Variants in RAD18 observed in about 807,000 individuals in gnomAD.
RAD18 encodes RAD18 E3 ubiquitin protein ligase.
A neutral mutation model predicts 60.4 loss-of-function variants in RAD18; 47 were observed. The observed-to-expected ratio is 0.78, with a 90% CI of 0.62 to 0.99. RAD18 has a LOEUF of 0.99. Ranked by LOEUF, RAD18 falls within the 50% of genes least tolerant of loss-of-function variation. The pLI, the probability that RAD18 is intolerant of heterozygous loss-of-function variation, is 0.00. For synonymous variants in RAD18, 225 were observed against 195.5 expected (o/e 1.15, Z -1.26); for missense variants, 640 against 593.3 (o/e 1.08, Z -0.82).
At chr3:8,910,428 G>A (rs574432620) in intron 9 of RAD18, among the ~76,000 whole-genome samples, 29 of 152,118 alleles carry the variant, frequency 1.9e-4, no homozygotes, top group African/African-American at 4.6e-4. Context: ...GTGAAACCCC[G>A]TCTCTACTAA....
At chr3:8,903,738 A>C (rs1400477129) in intron 9 of RAD18, among the ~76,000 whole-genome samples, 1 of 152,240 alleles carries the variant, frequency 6.6e-6, no homozygotes, top group Non-Finnish European at 1.5e-5. Flanking sequence ...CTTAGGCCAC[A>C]GTCCAAAGTA....
chr3:8,913,240 T>A (rs1190303690), intron 8 of RAD18, among the ~76,000 whole-genome samples: 1 of 152,200 alleles, frequency 6.6e-6, no homozygotes, highest in East Asian at 1.9e-4. Context: ...TATCCTCTTA[T>A]AATTACTTAA....
chr3:8,944,002 C>G lies in RAD18; in HGVS notation c.267-2198G>C, dbSNP rs45605134. On this transcript the variant is annotated intron_variant, in intron 4 of 12. Transcript: ENST00000264926. ...AGAAGAGATAACAAGAGAAAACAAG[C>G]AAAGCCAAACATTGGTTCTTTGAAA... is the stretch of plus-strand genomic sequence containing the variant. Among the ~76,000 whole-genome samples, 1,250 of 152,124 alleles carry G rather than the reference C, an allele frequency of 8.2e-3. 19 individuals carry two copies. The highest frequency in any genetic ancestry group is 0.028 in the African/African-American group (1,173 of 41,530).
intron 7 of RAD18, among the ~76,000 whole-genome samples, chr3:8,927,673 A>G (rs1434798678): frequency 6.6e-6 from 1 of 152,228 alleles, no homozygotes; most frequent in African/African-American, 2.4e-5. Context: ...ATGTCCAACA[A>G]TGATAGACTG....
chr3:8,884,700 T>C (rs1343124472), intron 12 of RAD18, among the ~76,000 whole-genome samples: 1 of 152,230 alleles, frequency 6.6e-6, no homozygotes, highest in Non-Finnish European at 1.5e-5. Flanking sequence ...ATTGAGGTAG[T>C]GCAAGAAGTC....
At chr3:8,891,537 G>C (rs1939692681) in intron 11 of RAD18, among the ~76,000 whole-genome samples, 1 of 152,164 alleles carries the variant, frequency 6.6e-6, no homozygotes, top group Non-Finnish European at 1.5e-5. Context: ...TGCTACCTCA[G>C]TGAAAACAGA....
At chr3:8,953,386 C>T (rs1011425339) in intron 2 of RAD18, among the ~76,000 whole-genome samples, 1 of 151,818 alleles carries the variant, frequency 6.6e-6, no homozygotes, top group African/African-American at 2.4e-5. Flanking sequence ...CTCTTCTTTT[C>T]TTTTGAAATG....
rs2125042528 is a variant in RAD18, at chr3:8,877,582, A to T, written c.*3775T>A. 6.6e-6 allele frequency: 1 copy of T among 152,332 alleles called. No homozygotes were observed. Among genetic ancestry groups the T allele is most frequent in the Middle Eastern group, 3.4e-3 (1 of 294 alleles). The allele number at this position is 152,332 out of a possible 1,614,324, so 9.4% of individuals were successfully genotyped here. On this transcript the variant is annotated 3_prime_UTR_variant, in exon 13 of 13. Coordinates refer to ENST00000264926, the MANE Select transcript of RAD18 (RefSeq NM_020165.4). The stretch of plus-strand genomic sequence containing the variant: ...CAAGCTTTCTATGGCAAGAGTTTAT[A>T]GGCAAAAACAAAATCCGTCCATTGC...
chr3:8,920,844 G>A (rs565665258), intron 7 of RAD18, among the ~76,000 whole-genome samples: 83 of 152,206 alleles, frequency 5.5e-4, no homozygotes, highest in African/African-American at 1.8e-3. Flanking sequence ...ATATTACCAC[G>A]AAATGCAATA....
chr3:8,956,439 A>C (rs1230371141), intron 2 of RAD18, among the ~76,000 whole-genome samples: 1 of 152,220 alleles, frequency 6.6e-6, no homozygotes, highest in East Asian at 1.9e-4. Flanking sequence ...AGGACGGCAC[A>C]AGATTTCATC....
chr3:8,902,588 T>C, intron 9 of RAD18, 68 bp from the exon 10 acceptor site: 1 of 1,455,698 alleles, frequency 6.9e-7, no homozygotes, highest in Non-Finnish European at 9.3e-7. Context: ...ACTGACAAAC[T>C]GAATATCAAG....
At chr3:8,935,081 A>G (rs890142400) in intron 7 of RAD18, among the ~76,000 whole-genome samples, 1 of 152,230 alleles carries the variant, frequency 6.6e-6, no homozygotes. Context: ...GGGGGCAGAT[A>G]GGGCTTTTGG....
chr3:8,943,622 C>T lies in RAD18; in HGVS notation c.267-1818G>A, dbSNP rs150274735. 6.1e-3 allele frequency among the ~76,000 whole-genome samples: 927 copies of T among 151,862 alleles called. 10 individuals carry two copies. Among genetic ancestry groups the T allele is most frequent in the African/African-American group, 0.021 (868 of 41,460 alleles). ...GGGAAATCAGCAATACTAGAAAAAC[C>T]AATGGCTGAGAATTTTCAAATCTGA... On this transcript the variant is annotated intron_variant, in intron 4 of 12. Transcript: ENST00000264926.
At chr3:8,951,532 C>T (rs1489462407) in intron 2 of RAD18, among the ~76,000 whole-genome samples, 1 of 152,152 alleles carries the variant, frequency 6.6e-6, no homozygotes, top group Non-Finnish European at 1.5e-5. Flanking sequence ...TCAGAAACTC[C>T]AATCTACGTA....
chr3:8,963,374 C>T lies in RAD18; in HGVS notation c.12G>A (p.Leu4=). 6.2e-7 allele frequency: 1 copy of T among 1,610,330 alleles called. No individual in the cohort carries two copies. Among genetic ancestry groups the T allele is most frequent in the Non-Finnish European group, 8.5e-7 (1 of 1,178,376 alleles). ...GGCCCGGAGGCCACCGAGACTCGGC[C>T]AGGGAGTCCATGGTCGCTCCCGAGG... The part of the protein sequence containing the change: MDS[L]AESRWPPGLA... Residue 4 remains leucine (L), a synonymous_variant, in exon 1 of 13, where the codon CTG becomes CTA. Coordinates refer to ENST00000264926, the MANE Select transcript of RAD18 (RefSeq NM_020165.4).
intron 9 of RAD18, among the ~76,000 whole-genome samples, chr3:8,909,657 C>A (rs937405660): frequency 6.6e-6 from 1 of 152,110 alleles, no homozygotes. Context: ...TAAAGTTCTA[C>A]AAACAGCCAA....
Position 8,913,644 on chromosome 3 carries a change from A to T in RAD18, c.966T>A (p.Ser322Arg). ...MRLEASKLNESVMVFTKDQTE... is the reference protein window; with the variant it reads ...MRLEASKLNERVMVFTKDQTE... ...ATACTGAAATAGCCCATTAACATAC[A>T]CTTTCATTGAGTTTACTAGCTTCAA... is the stretch of plus-strand genomic sequence containing the variant. The change falls in exon 8 of 13, where the codon AGT (serine) becomes AGA (arginine). Residue 322 changes from serine to arginine, a missense_variant and splice_region_variant. Ser to Arg is a moderately radical substitution (Grantham distance 110, BLOSUM62 -1). Coordinates refer to ENST00000264926, the MANE Select transcript of RAD18 (RefSeq NM_020165.4). 5.2e-6 allele frequency: 8 copies of T among 1,539,922 alleles called. No homozygotes were observed. The highest frequency in any genetic ancestry group is 7.0e-6 in the Non-Finnish European group (8 of 1,137,758).
At chr3:8,960,834 T>C (rs1230725136) in intron 1 of RAD18, among the ~76,000 whole-genome samples, 12 of 152,246 alleles carry the variant, frequency 7.9e-5, no homozygotes, top group Non-Finnish European at 1.5e-5. Flanking sequence ...GGTAGAATTA[T>C]GGATGGTTTT....
Position 8,877,809 on chromosome 3 carries a change from G to T in RAD18, c.*3548C>A, listed in dbSNP as rs1168039548. On this transcript the variant is annotated 3_prime_UTR_variant, in exon 13 of 13. Coordinates refer to ENST00000264926, the MANE Select transcript of RAD18 (RefSeq NM_020165.4). Reference sequence around the variant, plus strand: ...CAGGAAGAGTGGAAAGGAAAGAAAGGTAAGGGGAAAGAGAAAAAAAAGGGG... The same window carrying T: ...CAGGAAGAGTGGAAAGGAAAGAAAGTTAAGGGGAAAGAGAAAAAAAAGGGG... 6.6e-6 allele frequency: 1 copy of T among 152,168 alleles called. No individual in the cohort carries two copies. Among genetic ancestry groups the T allele is most frequent in the Non-Finnish European group, 1.5e-5 (1 of 68,108 alleles). The allele number at this position is 152,168 out of a possible 1,614,324, so 9.4% of individuals were successfully genotyped here. A position where few individuals can be genotyped will look rare whatever the true frequency, so the allele number is the denominator to read the frequency against.
Sources: allele counts gnomAD v4.1 joint callset (sites outside exome capture counted in the v4.1 genomes callset), GRCh38; gene constraint gnomAD v4.1.1; transcripts MANE v1.5; gene names NCBI Gene and HGNC (gene_info 2026-07-23, HGNC 2026-07-21).